The following GATAD2B variants were observed in gnomAD, a reference collection of about 807,000 sequenced individuals.
GATAD2B encodes transcriptional repressor p66-beta.
Under a neutral mutation model 64.3 loss-of-function variants are expected in GATAD2B, and 8 were observed. The observed-to-expected ratio is 0.12, with a 90% CI of 0.07 to 0.22. The LOEUF is 0.22. Ranked by LOEUF, GATAD2B falls within the 10% of genes least tolerant of loss-of-function variation. The probability of loss-of-function intolerance (pLI) is 1.00; values close to 1 mark genes in which losing one functional copy is unlikely to be tolerated. For synonymous variants in GATAD2B, 281 were observed against 271.3 expected, an observed-to-expected ratio of 1.04 and a Z score of -0.35; for missense variants, 453 against 752.0, an observed-to-expected ratio of 0.60 and a Z score of 4.65.
At chr1:153,885,600 G>C in intron 1 of GATAD2B, among the ~76,000 whole-genome samples, 1 of 151,838 alleles carries the variant, frequency 6.6e-6, no homozygotes, top group Non-Finnish European at 1.5e-5. Flanking sequence ...GGGCGCGGTG[G>C]CTCATGCCTG....
intron 1 of GATAD2B, among the ~76,000 whole-genome samples, chr1:153,892,696 T>A (rs967360305): frequency 1.4e-5 from 2 of 146,114 alleles, no homozygotes; most frequent in African/African-American, 5.1e-5. Context: ...AGAAACCTTT[T>A]TTTTTTTTTT....
chr1:153,875,047 T>G (rs550213428), intron 1 of GATAD2B, among the ~76,000 whole-genome samples: 8 of 151,816 alleles, frequency 5.3e-5, no homozygotes, highest in African/African-American at 1.9e-4. Flanking sequence ...TGCCCAGCAT[T>G]TTTTCTTGTA....
intron 1 of GATAD2B, among the ~76,000 whole-genome samples, chr1:153,920,640 A>G (rs1478672145): frequency 1.3e-5 from 2 of 152,220 alleles, no homozygotes; most frequent in South Asian, 2.1e-4. Context: ...ACAGTGTCAT[A>G]AAGATGGATG....
intron 7 of GATAD2B, among the ~76,000 whole-genome samples, 163 bp from the exon 8 acceptor site, chr1:153,813,615 A>T (rs947592872): frequency 6.6e-6 from 1 of 152,264 alleles, no homozygotes. Flanking sequence ...TCATCTGATT[A>T]TAACAGTATC....
At chr1:153,892,448 T>C (rs1237252293) in intron 1 of GATAD2B, among the ~76,000 whole-genome samples, 1 of 152,098 alleles carries the variant, frequency 6.6e-6, no homozygotes, top group African/African-American at 2.4e-5. Context: ...TAAAGGGGTC[T>C]TTCAGGGTCA....
intron 1 of GATAD2B, among the ~76,000 whole-genome samples, chr1:153,870,159 C>T (rs1208265733): frequency 6.6e-6 from 1 of 152,120 alleles, no homozygotes; most frequent in Non-Finnish European, 1.5e-5. Flanking sequence ...TCATGTTGGC[C>T]AGGCTGGTCT....
At chr1:153,908,561 C>G (rs918219661) in intron 1 of GATAD2B, among the ~76,000 whole-genome samples, 6 of 151,384 alleles carry the variant, frequency 4.0e-5, no homozygotes, top group African/African-American at 1.5e-4. Context: ...CTCCGCCTCC[C>G]GGGTTCCAGC....
At chr1:153,846,244 GT>G (rs1675683831) in intron 1 of GATAD2B, among the ~76,000 whole-genome samples, 1 of 151,918 alleles carries the variant, frequency 6.6e-6, no homozygotes, top group Non-Finnish European at 1.5e-5. Flanking sequence ...TTCTTGCTAT[GT>G]TTGTTTTGAG....
rs149990153 is a variant in GATAD2B at position 153,883,318 on chromosome 1, T to C, written c.-2+39415A>G. On this transcript the variant is annotated intron_variant, in intron 1 of 10. Transcript: ENST00000368655. ...AACACCGAGCTAAATCAAAACTAAG[T>C]AGTACTGGCCACTGGCATAAGAAAT... Among the ~76,000 whole-genome samples the C allele has an allele frequency of 5.0e-3, 756 of 152,290 alleles. 7 individuals are homozygous for C. Among genetic ancestry groups the C allele is most frequent in the African/African-American group, 0.017 (703 of 41,570 alleles).
At chr1:153,912,616 C>T (rs754454588) in intron 1 of GATAD2B, among the ~76,000 whole-genome samples, 2 of 152,132 alleles carry the variant, frequency 1.3e-5, no homozygotes, top group Non-Finnish European at 2.9e-5. Flanking sequence ...CTTTTGATGG[C>T]AACACATCAA....
intron 1 of GATAD2B, among the ~76,000 whole-genome samples, chr1:153,865,657 A>G (rs907426968): frequency 2.6e-5 from 4 of 152,228 alleles, no homozygotes; most frequent in Non-Finnish European, 5.9e-5. Context: ...TAACATATAA[A>G]AACACTAGCA....
At chr1:153,844,118 A>G (rs1675596989) in intron 1 of GATAD2B, among the ~76,000 whole-genome samples, 1 of 152,160 alleles carries the variant, frequency 6.6e-6, no homozygotes, top group South Asian at 2.1e-4. Flanking sequence ...AGAAAGTCTC[A>G]GAAGCCCAGA....
At chr1:153,881,856 T>C (rs1232082407) in intron 1 of GATAD2B, among the ~76,000 whole-genome samples, 3 of 152,044 alleles carry the variant, frequency 2.0e-5, no homozygotes, top group East Asian at 1.9e-4. Context: ...ATCGTCTCTT[T>C]TCTACCGTAA....
In GATAD2B at chr1:153,811,866, C is replaced by T. The variant is rs753679123; in HGVS notation, c.1531-18G>A. ...TGTGGAGCCTGCAATGATGAGGAGA[C>T]AGTGGATACAACTTTGATATGATAG... On this transcript the variant is annotated intron_variant, in intron 9 of 10. Coordinates refer to ENST00000368655, the MANE Select transcript of GATAD2B (RefSeq NM_020699.4). 9 of 1,504,752 alleles carry T rather than the reference C, an allele frequency of 6.0e-6. No individual in the cohort carries two copies. Among genetic ancestry groups the T allele is most frequent in the Non-Finnish European group, 8.3e-6 (9 of 1,085,448 alleles). The allele number at this position is 1,504,752 out of a possible 1,614,324, so 93.2% of individuals were successfully genotyped here.
At position 153,809,885 on chromosome 1, in the gene GATAD2B, G is replaced by T. The variant is rs1002199997; in HGVS notation, c.*292C>A. 5 of 293,888 alleles carry T rather than the reference G, an allele frequency of 1.7e-5. No individual in the cohort carries two copies. Among genetic ancestry groups the T allele is most frequent in the Non-Finnish European group, 3.1e-5 (5 of 159,308 alleles). The allele number at this position is 293,888 out of a possible 1,614,324, so 18.2% of individuals were successfully genotyped here. A position where few individuals can be genotyped will look rare whatever the true frequency, so the allele number is the denominator to read the frequency against. Reference sequence around the variant, plus strand: ...ATCGGAGGGCTTAGATTCTCCCCAGGACCTCATTCTGACCTCTATCAGAGG... The same window carrying T: ...ATCGGAGGGCTTAGATTCTCCCCAGTACCTCATTCTGACCTCTATCAGAGG... On this transcript the variant is annotated 3_prime_UTR_variant, in exon 11 of 11. Transcript: ENST00000368655.
chr1:153,880,409 A>G (rs1457672842), intron 1 of GATAD2B, among the ~76,000 whole-genome samples: 2 of 151,768 alleles, frequency 1.3e-5, no homozygotes, highest in Non-Finnish European at 2.9e-5. Context: ...AGGGGTTGCA[A>G]TGAGCAAAGA....
intron 1 of GATAD2B, among the ~76,000 whole-genome samples, chr1:153,840,659 A>T (rs1414174640): frequency 6.6e-6 from 1 of 152,212 alleles, no homozygotes. Context: ...TTAAAAAAAT[A>T]CTTTCATAAG....
chr1:153,830,685 C>T (rs144215719), intron 1 of GATAD2B, among the ~76,000 whole-genome samples: 5,725 of 151,050 alleles, frequency 0.038, 170 homozygotes, highest in Non-Finnish European at 0.057. Flanking sequence ...CTGTTTTAGC[C>T]GGGATGGTCT....
chr1:153,885,610 G>A (rs1677156196), intron 1 of GATAD2B, among the ~76,000 whole-genome samples: 1 of 152,016 alleles, frequency 6.6e-6, no homozygotes, highest in East Asian at 1.9e-4. Flanking sequence ...GCTCATGCCT[G>A]TAATCCCAGC....
Sources: gnomAD v4.1 joint callset for allele counts (sites outside exome capture counted in the v4.1 genomes callset) on GRCh38, gnomAD v4.1.1 for gene constraint, MANE v1.5 for transcripts, NCBI Gene and HGNC (gene_info 2026-07-23, HGNC 2026-07-21) for gene names.